PSMA8: variants seen among roughly 807,000 people sequenced by gnomAD.
PSMA8 encodes the protein proteasome 20S subunit alpha 8.
PSMA8 carries 18 observed loss-of-function variants against 32.4 expected under a neutral mutation model. The observed-to-expected ratio is 0.56, with a 90% CI of 0.38 to 0.82. PSMA8 has a LOEUF of 0.82. Among genes scored for constraint, PSMA8 ranks in the 40% least tolerant of loss-of-function variants. PSMA8 has a pLI of 0.00. For synonymous variants in PSMA8, 104 were observed against 98.1 expected, an observed-to-expected ratio of 1.06 and a Z score of -0.36; for missense variants, 298 against 300.7, an observed-to-expected ratio of 0.99 and a Z score of 0.07.
intron 6 of PSMA8, among the ~76,000 whole-genome samples, chr18:26,185,022 G>A (rs2055341869): frequency 6.8e-6 from 1 of 146,206 alleles, no homozygotes; most frequent in Non-Finnish European, 1.5e-5. Flanking sequence ...GGGAGACAGA[G>A]GTTACAGTGA....
chr18:26,148,742 A>G (rs563801150), intron 2 of PSMA8, among the ~76,000 whole-genome samples: 22 of 152,386 alleles, frequency 1.4e-4, no homozygotes, highest in African/African-American at 3.4e-4. Flanking sequence ...CACAGAAGAC[A>G]TGATCTTATA....
chr18:26,178,548 A>G (rs572718756), intron 4 of PSMA8, among the ~76,000 whole-genome samples: 16 of 151,604 alleles, frequency 1.1e-4, no homozygotes, highest in African/African-American at 3.9e-4. Context: ...GCAGTGAGCT[A>G]TAATTGTGCC....
At chr18:26,149,839 G>C (rs1449491972) in intron 2 of PSMA8, among the ~76,000 whole-genome samples, 1 of 152,132 alleles carries the variant, frequency 6.6e-6, no homozygotes, top group South Asian at 2.1e-4. Context: ...TAGTGGGAAA[G>C]CTTCATGAGA....
chr18:26,189,164 C>CA (rs1163097966), intron 6 of PSMA8, among the ~76,000 whole-genome samples: 1 of 151,872 alleles, frequency 6.6e-6, no homozygotes. Flanking sequence ...ATAATCTGAT[C>CA]AAAAAATGGG....
chr18:26,135,937 G>A (rs2054908191), intron 1 of PSMA8, among the ~76,000 whole-genome samples: 1 of 152,144 alleles, frequency 6.6e-6, no homozygotes, highest in Admixed American at 6.5e-5. Context: ...TTCCTTGAGG[G>A]TGCTGTGACC....
chr18:26,183,713 C>T (rs1351100678), intron 6 of PSMA8, among the ~76,000 whole-genome samples: 1 of 150,706 alleles, frequency 6.6e-6, no homozygotes, highest in Non-Finnish European at 1.5e-5. Flanking sequence ...TAGAGTGTTA[C>T]ATAAATAAAG....
intron 4 of PSMA8, among the ~76,000 whole-genome samples, chr18:26,163,058 G>A (rs971852931): frequency 2.0e-5 from 3 of 151,004 alleles, no homozygotes; most frequent in African/African-American, 7.3e-5. Flanking sequence ...TATAAATACT[G>A]AATTTTTATT....
chr18:26,156,973 C>T (rs2055094855), intron 3 of PSMA8, among the ~76,000 whole-genome samples: 1 of 150,832 alleles, frequency 6.6e-6, no homozygotes, highest in African/African-American at 2.4e-5. Flanking sequence ...TTTGTAGAGA[C>T]AGGGTTTCCC....
At chr18:26,189,919 C>G (rs117888077) in intron 6 of PSMA8, among the ~76,000 whole-genome samples, 1 of 152,034 alleles carries the variant, frequency 6.6e-6, no homozygotes, top group Non-Finnish European at 1.5e-5. Flanking sequence ...GATGAATGTA[C>G]GAAGACAATG....
intron 6 of PSMA8, among the ~76,000 whole-genome samples, chr18:26,191,775 C>T (rs1042774011): frequency 2.0e-5 from 3 of 152,134 alleles, no homozygotes; most frequent in Non-Finnish European, 4.4e-5. Context: ...GTCTTATAGC[C>T]GCAAGCATGT....
chr18:26,182,293 TG>T (rs2055318201), intron 6 of PSMA8, among the ~76,000 whole-genome samples: 1 of 152,210 alleles, frequency 6.6e-6, no homozygotes, highest in Non-Finnish European at 1.5e-5. Context: ...AGCTTTCTGC[TG>T]GAAGAAGATA....
At chr18:26,153,814 G>T (rs776222275) in intron 3 of PSMA8, among the ~76,000 whole-genome samples, 2 of 151,954 alleles carry the variant, frequency 1.3e-5, no homozygotes, top group Non-Finnish European at 1.5e-5. Context: ...AACTTCGTTG[G>T]CTCGCATTAT....
In PSMA8 at chr18:26,158,245, G is replaced by A. The variant is rs2055107026; in HGVS notation, c.477+1G>A. 3.8e-6 allele frequency: 6 copies of A among 1,591,834 alleles called. No individual in the cohort carries two copies. The highest frequency in any genetic ancestry group is 1.3e-5 in the African/African-American group (1 of 74,104). ...TTCTGGTACTTATCATGCTTGGAAG[G>A]TGAGTCATGAATTTATTAATACTTT... On this transcript the variant is annotated splice_donor_variant, in intron 4 of 6. Coordinates refer to ENST00000415576, the MANE Select transcript of PSMA8 (RefSeq NM_001025096.2). LOFTEE classifies it high-confidence loss of function.
At chr18:26,177,101 A>G (rs115235583) in intron 4 of PSMA8, among the ~76,000 whole-genome samples, 2,344 of 152,256 alleles carry the variant, frequency 0.015, 67 homozygotes, top group African/African-American at 0.054. Context: ...TGGCTTGTTG[A>G]TTCAGACCAC....
intron 4 of PSMA8, among the ~76,000 whole-genome samples, chr18:26,177,348 G>A (rs1354259163): frequency 6.6e-6 from 1 of 152,132 alleles, no homozygotes; most frequent in African/African-American, 2.4e-5. Flanking sequence ...AGGATTAGCT[G>A]GCCCAAAATG....
Position 26,170,984 on chromosome 18 carries a change from A to G in PSMA8, c.478-7846A>G. On this transcript the variant is annotated intron_variant, in intron 4 of 6. Transcript: ENST00000415576. ...CTTTATTTGCTAATTCTGGTTGTTCAGTAAGTTTTAAGGCATCATCTAGAC... is the reference window on the plus strand; with the variant it reads ...CTTTATTTGCTAATTCTGGTTGTTCGGTAAGTTTTAAGGCATCATCTAGAC... 1.9e-6 allele frequency: 3 copies of G among 1,556,440 alleles called. 1 individual carries two copies. The highest frequency in any genetic ancestry group is 2.6e-6 in the Non-Finnish European group (3 of 1,167,552).
At chr18:26,148,059 G>A (rs2055017805) in intron 2 of PSMA8, among the ~76,000 whole-genome samples, 1 of 152,074 alleles carries the variant, frequency 6.6e-6, no homozygotes, top group Non-Finnish European at 1.5e-5. Context: ...GGAAAGTCTA[G>A]GATCTAACGA....
Position 26,192,545 on chromosome 18 carries a change from C to G in PSMA8, c.*134C>G, listed in dbSNP as rs1354437926. 9.5e-7 allele frequency: 1 copy of G among 1,056,394 alleles called. No homozygotes were observed. The highest frequency in any genetic ancestry group is 1.3e-6 in the Non-Finnish European group (1 of 792,186). The allele number at this position is 1,056,394 out of a possible 1,614,324, so 65.4% of individuals were successfully genotyped here. A position where few individuals can be genotyped will look rare whatever the true frequency, so the allele number is the denominator to read the frequency against. Reference sequence around the variant, plus strand: ...TACTTGTGTGATGTTTTGAGAATGCCAGATCTGTGGCTGTCTTCATTCTAT... The same window carrying G: ...TACTTGTGTGATGTTTTGAGAATGCGAGATCTGTGGCTGTCTTCATTCTAT... On this transcript the variant is annotated 3_prime_UTR_variant, in exon 7 of 7. Coordinates refer to ENST00000415576, the MANE Select transcript of PSMA8 (RefSeq NM_001025096.2).
At chr18:26,158,939 C>T (rs999025209) in intron 4 of PSMA8, among the ~76,000 whole-genome samples, 16 of 152,158 alleles carry the variant, frequency 1.1e-4, no homozygotes, top group Non-Finnish European at 5.9e-5. Context: ...TGTCTCTGCA[C>T]TCCAGCCCAG....
Sources: gnomAD v4.1 joint callset for allele counts (sites outside exome capture counted in the v4.1 genomes callset) on GRCh38, gnomAD v4.1.1 for gene constraint, MANE v1.5 for transcripts, NCBI Gene and HGNC (gene_info 2026-07-23, HGNC 2026-07-21) for gene names.